Variants in ATP9A observed in about 807,000 individuals in gnomAD.
ATP9A encodes probable phospholipid-transporting ATPase IIA.
In ATP9A, 52 loss-of-function variants were observed where a neutral mutation model predicts 144.1. The observed-to-expected ratio is 0.36, with a 90% CI of 0.29 to 0.45. ATP9A has a LOEUF of 0.45. Among genes scored for constraint, ATP9A ranks in the 20% least tolerant of loss-of-function variants. The pLI, the probability that ATP9A is intolerant of heterozygous loss-of-function variation, is 1.00. For missense variants in ATP9A, 947 were observed against 1,392.7 expected, an observed-to-expected ratio of 0.68 and a Z score of 5.09; for synonymous variants, 582 against 557.4, an observed-to-expected ratio of 1.04 and a Z score of -0.62.
intron 23 of ATP9A, among the ~76,000 whole-genome samples, chr20:51,610,846 G>A (rs1280725987): frequency 6.6e-6 from 1 of 152,198 alleles, no homozygotes; most frequent in Non-Finnish European, 1.5e-5. Context: ...GGAAATTTTT[G>A]AAAAGAGCAT....
At chr20:51,625,665 T>C (rs545251176) in intron 17 of ATP9A, among the ~76,000 whole-genome samples, 12 of 152,278 alleles carry the variant, frequency 7.9e-5, no homozygotes, top group East Asian at 1.9e-4. Context: ...ACCAACCTCA[T>C]TGGGTTGTCT....
intron 3 of ATP9A, among the ~76,000 whole-genome samples, chr20:51,717,169 CAAAA>C (rs10577089): frequency 2.3e-4 from 23 of 101,540 alleles, no homozygotes; most frequent in Admixed American, 1.9e-3. Context: ...AAGACTGCCT[CAAAA>C]AAAAAAAAAA....
At chr20:51,724,872 A>G (rs1033585359) in intron 3 of ATP9A, among the ~76,000 whole-genome samples, 4 of 152,248 alleles carry the variant, frequency 2.6e-5, no homozygotes, top group Non-Finnish European at 5.9e-5. Context: ...ACATTGGTTA[A>G]AAAGAAAATG....
chr20:51,685,296 C>A (rs1271682035), intron 9 of ATP9A, among the ~76,000 whole-genome samples: 6 of 152,126 alleles, frequency 3.9e-5, no homozygotes, highest in Non-Finnish European at 8.8e-5. Context: ...AACATAGGCA[C>A]ACGCCTGTAA....
intron 13 of ATP9A, among the ~76,000 whole-genome samples, chr20:51,664,672 A>G (rs1194901165): frequency 6.6e-6 from 1 of 152,112 alleles, no homozygotes; most frequent in African/African-American, 2.4e-5. Context: ...TCAAAATAAC[A>G]TATACTTGGG....
intron 9 of ATP9A, among the ~76,000 whole-genome samples, chr20:51,677,158 T>C (rs1197170676): frequency 1.3e-5 from 2 of 151,522 alleles, no homozygotes; most frequent in Admixed American, 6.6e-5. Context: ...GGTCTTGAAT[T>C]CCTGGATTCA....
At chr20:51,650,395 G>A (rs6067872) in intron 14 of ATP9A, among the ~76,000 whole-genome samples, 71,383 of 151,578 alleles carry the variant, frequency 0.47, 17,741 homozygotes, top group East Asian at 0.8. Flanking sequence ...TTAGCTGGGC[G>A]TGATGGCGTG....
intron 3 of ATP9A, among the ~76,000 whole-genome samples, chr20:51,718,560 G>A (rs1218581796): frequency 1.1e-4 from 17 of 151,634 alleles, no homozygotes. Context: ...GCTCACACCT[G>A]TAATCCCAGC....
At position 51,614,342 on chromosome 20, in the gene ATP9A, G is replaced by A. The variant is rs370439087; in HGVS notation, c.2416-510C>T. Among the ~76,000 whole-genome samples, 10 of 152,028 alleles carry A rather than the reference G, an allele frequency of 6.6e-5. No homozygotes were observed. In the East Asian group the frequency reaches 9.6e-4, roughly 15 times the overall value. On this transcript the variant is annotated intron_variant, in intron 22 of 27. Transcript: ENST00000338821. ...TTGAGACTGGGTCCCACTCTGTCACGCAGGCTGGAGTACAGTGGTGTGATC... is the reference window on the plus strand; with the variant it reads ...TTGAGACTGGGTCCCACTCTGTCACACAGGCTGGAGTACAGTGGTGTGATC...
intron 14 of ATP9A, among the ~76,000 whole-genome samples, chr20:51,648,771 G>T (rs1180051275): frequency 6.6e-6 from 1 of 152,162 alleles, no homozygotes; most frequent in African/African-American, 2.4e-5. Context: ...GGTCAAGGCT[G>T]CAGTGAGCCA....
intron 21 of ATP9A, among the ~76,000 whole-genome samples, chr20:51,618,225 A>G (rs909880959): frequency 2.0e-5 from 3 of 152,012 alleles, no homozygotes; most frequent in Admixed American, 6.6e-5. Context: ...TCTTAAAAAA[A>G]AAAAAAAAGG....
At chr20:51,758,944 C>A (rs2077867697) in intron 1 of ATP9A, among the ~76,000 whole-genome samples, 1 of 152,032 alleles carries the variant, frequency 6.6e-6, no homozygotes, top group African/African-American at 2.4e-5. Context: ...AAGAAAGAGC[C>A]CGTCTGCAAG....
chr20:51,684,068 G>A (rs1162240353), intron 9 of ATP9A, among the ~76,000 whole-genome samples: 2 of 152,016 alleles, frequency 1.3e-5, no homozygotes, highest in Admixed American at 6.6e-5. Context: ...GCCTATAGTC[G>A]CAGCTACTCA....
At chr20:51,690,534 T>C (rs2077543960) in intron 8 of ATP9A, among the ~76,000 whole-genome samples, 1 of 152,232 alleles carries the variant, frequency 6.6e-6, no homozygotes. Flanking sequence ...TCAGGTCATT[T>C]AAGCTGTTCC....
intron 7 of ATP9A, among the ~76,000 whole-genome samples, chr20:51,693,711 T>G (rs1162013551): frequency 6.6e-6 from 1 of 152,124 alleles, no homozygotes. Context: ...CCTACCTTCG[T>G]AGGTTTTGAG....
rs907535819 is a variant in ATP9A at position 51,762,584 on chromosome 20, G to A, written c.68+5718C>T. On this transcript the variant is annotated intron_variant, in intron 1 of 27. Coordinates refer to ENST00000338821, the MANE Select transcript of ATP9A (RefSeq NM_006045.3). The stretch of plus-strand genomic sequence containing the variant: ...CGATGCATGAGAATCGCTTGAACCC[G>A]GGAGGTGGAGGTTGCAGTGAGTAGA... Among the ~76,000 whole-genome samples, 3 of 152,006 alleles carry A rather than the reference G, an allele frequency of 2.0e-5. 1 individual carries two copies. The highest frequency in any genetic ancestry group is 4.1e-4 in the South Asian group (2 of 4,820).
At position 51,711,672 on chromosome 20, in the gene ATP9A, A is replaced by T. The variant is rs1370917084; in HGVS notation, c.436+1294T>A. 3.3e-5 allele frequency among the ~76,000 whole-genome samples: 5 copies of T among 152,136 alleles called. No individual in the cohort carries two copies. The South Asian group carries it at 1.0e-3, about 32-fold the overall frequency. On this transcript the variant is annotated intron_variant, in intron 4 of 27. Transcript: ENST00000338821. The stretch of plus-strand genomic sequence containing the variant: ...TCATTTCTGAATGCAACCTTACAGT[A>T]AATCTATTGTAGTCAGACACAGACA...
chr20:51,605,881 C>T (rs2077161392), intron 26 of ATP9A, among the ~76,000 whole-genome samples: 1 of 151,568 alleles, frequency 6.6e-6, no homozygotes, highest in African/African-American at 2.4e-5. Flanking sequence ...CCACTGCACT[C>T]CAGCCTGGGT....
intron 13 of ATP9A, among the ~76,000 whole-genome samples, chr20:51,666,842 T>C (rs1356660881): frequency 6.6e-6 from 1 of 152,166 alleles, no homozygotes; most frequent in Non-Finnish European, 1.5e-5. Context: ...CACCACACTG[T>C]GTATTCAACA....
Sources: gnomAD v4.1 joint callset for allele counts (sites outside exome capture counted in the v4.1 genomes callset) on GRCh38, gnomAD v4.1.1 for gene constraint, MANE v1.5 for transcripts, NCBI Gene and HGNC (gene_info 2026-07-23, HGNC 2026-07-21) for gene names.